PIGG: variants seen among roughly 807,000 people sequenced by gnomAD.
PIGG encodes the protein GPI ethanolamine phosphate transferase 2, catalytic subunit.
A neutral mutation model predicts 83.2 loss-of-function variants in PIGG; 70 were observed. The observed-to-expected ratio is 0.84, with a 90% CI of 0.69 to 1.03. The LOEUF (loss-of-function observed/expected upper bound fraction) is 1.03. PIGG is among the 50% of genes least tolerant of loss of function. The probability of loss-of-function intolerance (pLI) is 0.00; values close to 1 mark genes in which losing one functional copy is unlikely to be tolerated. For synonymous variants in PIGG, 532 were observed against 519.5 expected (o/e 1.02, Z -0.33); for missense variants, 1,257 against 1,233.6 (o/e 1.02, Z -0.28).
intron 9 of PIGG, among the ~76,000 whole-genome samples, chr4:526,712 ACTGT>A (rs1727715868): frequency 6.9e-6 from 1 of 145,548 alleles, no homozygotes; most frequent in Non-Finnish European, 1.5e-5. Context: ...GTTCAAGTTA[ACTGT>A]CTTTTTTTTT....
At chr4:518,789 T>G (rs1046095730) in intron 6 of PIGG, among the ~76,000 whole-genome samples, 1 of 152,036 alleles carries the variant, frequency 6.6e-6, no homozygotes, top group African/African-American at 2.4e-5. Flanking sequence ...GGCGGCCCAT[T>G]GTCTACACCG....
chr4:530,970 T>C lies in PIGG; in HGVS notation c.2571+225T>C, dbSNP rs113444826. The C allele has an allele frequency of 7.0e-4, 374 of 531,754 alleles. 5 individuals are homozygous for C. Among genetic ancestry groups the C allele is most frequent in the South Asian group, 2.6e-3 (91 of 35,472 alleles). 32.9% of individuals were successfully genotyped at this position (531,754 alleles called of 1,614,324 possible). A position where few individuals can be genotyped will look rare whatever the true frequency, so the allele number is the denominator to read the frequency against. ...TGCTTAAGACAGCAGACTGCTGCTT[T>C]GCTGGGCCAGGCCTGGGTTTATTTA... On this transcript the variant is annotated intron_variant, in intron 11 of 12. Coordinates refer to ENST00000453061, the MANE Select transcript of PIGG (RefSeq NM_001127178.3).
intron 9 of PIGG, chr4:525,690 G>C (rs1006161881): frequency 7.2e-5 from 11 of 152,258 alleles, no homozygotes; most frequent in African/African-American, 2.7e-4. Flanking sequence ...AGTAATTCTT[G>C]TGGGAGGCTA....
chr4:536,293 C>G (rs1037816447), intron 12 of PIGG: 1 of 152,318 alleles, frequency 6.6e-6, no homozygotes, highest in Admixed American at 6.5e-5. Context: ...AGAATCGCTC[C>G]CTGGCCAGAC....
intron 2 of PIGG, among the ~76,000 whole-genome samples, chr4:503,351 C>T (rs181055258): frequency 6.6e-6 from 1 of 152,336 alleles, no homozygotes; most frequent in Non-Finnish European, 1.5e-5. Context: ...TACGCTCTGC[C>T]CAGTTTGAAC....
At chr4:510,014 C>A (rs1721331618) in intron 5 of PIGG, among the ~76,000 whole-genome samples, 1 of 152,162 alleles carries the variant, frequency 6.6e-6, no homozygotes, top group African/African-American at 2.4e-5. Flanking sequence ...CTCCACCTGA[C>A]CTCTTATATC....
At chr4:523,333 G>A (rs1206431422) in intron 8 of PIGG, 126 bp from the exon 9 acceptor site, 4 of 738,790 alleles carry the variant, frequency 5.4e-6, no homozygotes, top group Non-Finnish European at 7.0e-6. Flanking sequence ...AGGGGCCCAG[G>A]TGCTGGGTGT....
At chr4:527,531 T>C (rs1727990448) in intron 10 of PIGG, 1 of 1,122,238 alleles carries the variant, frequency 8.9e-7, no homozygotes, top group Non-Finnish European at 1.1e-6. Flanking sequence ...GGGTGTGTGA[T>C]GGGACAGACA....
chr4:527,214 A>G lies in PIGG; in HGVS notation c.2245A>G (p.Ser749Gly). The G allele has an allele frequency of 6.3e-7, 1 of 1,596,342 alleles. No homozygotes were observed. The highest frequency in any genetic ancestry group is 1.3e-5 in the African/African-American group (1 of 74,302). ...GSVRFPWRPD[S>G]KDISKGIIEA... ...TGTCCGGTTCCCGTGGCGGCCGGAC[A>G]GCAAGGACATTTCCAAGTAAGTGCG... Residue 749 changes from serine (S) to glycine (G), a missense_variant, in exon 10 of 13, where the codon AGC (serine) becomes GGC (glycine). Physicochemically the swap from Ser to Gly is moderately conservative, Grantham distance 56. Coordinates refer to ENST00000453061, the MANE Select transcript of PIGG (RefSeq NM_001127178.3).
At chr4:527,506 A>G (rs1727982923) in intron 10 of PIGG, 6 of 1,215,764 alleles carry the variant, frequency 4.9e-6, no homozygotes, top group African/African-American at 1.6e-5. Flanking sequence ...TTTTAAATTT[A>G]AAATAAAACC....
chr4:499,555 A>C, intron 1 of PIGG, 66 bp downstream of exon 1: 1 of 1,475,494 alleles, frequency 6.8e-7, no homozygotes, highest in Non-Finnish European at 9.0e-7. Flanking sequence ...CTTTTTTCTG[A>C]GCCTCGCTGC....
At position 521,865 on chromosome 4, in the gene PIGG, T is replaced by G; in HGVS notation, c.1538T>G (p.Val513Gly). Residue 513 changes from valine (V) to glycine (G), a missense_variant, in exon 8 of 13, where the codon GTG (valine) becomes GGG (glycine). Val to Gly is a moderately radical substitution (Grantham distance 109). Coordinates refer to ENST00000453061, the MANE Select transcript of PIGG (RefSeq NM_001127178.3). ...LSWLAAGGVM[V>G]LASALLCVIV... ...TGGCTGGCGGCAGGTGGGGTGATGG[T>G]GCTGGCCTCGGCGCTGCTGTGTGTG... The G allele has an allele frequency of 1.2e-6, 2 of 1,614,224 alleles. No individual in the cohort carries two copies.
intron 9 of PIGG, among the ~76,000 whole-genome samples, chr4:526,390 C>G (rs1162486803): frequency 6.6e-6 from 1 of 152,232 alleles, no homozygotes; most frequent in East Asian, 1.9e-4. Flanking sequence ...CAGGCCAGGA[C>G]TGGCTGGTGC....
chr4:519,743 C>T (rs1725172217), intron 6 of PIGG, among the ~76,000 whole-genome samples: 1 of 139,262 alleles, frequency 7.2e-6, no homozygotes, highest in African/African-American at 2.7e-5. Context: ...GTGCCTGCAG[C>T]AGTGGGGTGG....
In PIGG at chr4:511,295, T is replaced by TA. The variant is rs537741053; in HGVS notation, c.901+2325_901+2326insA. Among the ~76,000 whole-genome samples, 147 of 142,856 alleles carry TA rather than the reference T, an allele frequency of 1.0e-3. 3 individuals are homozygous for TA. In the East Asian group the frequency reaches 0.019, roughly 19 times the overall value. The allele number at this position is 142,856 out of a possible 152,430, so 93.7% of individuals were successfully genotyped here. ...GCAACAGGAGTGAAACTCCCCATCT[T>TA]TAAAAAAAAAAAAAAAAAAAAAGAA... On this transcript the variant is annotated intron_variant, in intron 5 of 12. Transcript: ENST00000453061.
intron 5 of PIGG, among the ~76,000 whole-genome samples, chr4:514,146 G>A (rs184429738): frequency 1.3e-5 from 2 of 152,272 alleles, no homozygotes; most frequent in East Asian, 3.9e-4. Flanking sequence ...AGCTTCACCA[G>A]TTACTGGCCA....
At chr4:499,761 A>C in intron 1 of PIGG, 2 of 1,290,548 alleles carry the variant, frequency 1.5e-6, no homozygotes, top group South Asian at 2.1e-5. Context: ...CAGCCTCTCC[A>C]CTTCTACTCG....
intron 12 of PIGG, among the ~76,000 whole-genome samples, chr4:538,071 G>T (rs57577815): frequency 1.4e-3 from 202 of 147,256 alleles, no homozygotes; most frequent in African/African-American, 5.1e-3. Flanking sequence ...CCACACACAC[G>T]TGCTGACAGG....
intron 6 of PIGG, among the ~76,000 whole-genome samples, chr4:518,395 C>T (rs1012946766): frequency 5.9e-5 from 9 of 152,114 alleles, no homozygotes; most frequent in African/African-American, 1.2e-4. Context: ...AGATCAAGAC[C>T]GTCCTGGCTA....
Sources: allele counts gnomAD v4.1 joint callset (sites outside exome capture counted in the v4.1 genomes callset), GRCh38; gene constraint gnomAD v4.1.1; transcripts MANE v1.5; gene names NCBI Gene and HGNC (gene_info 2026-07-23, HGNC 2026-07-21).